The following ZNG1F variants were observed in gnomAD, a reference collection of about 807,000 sequenced individuals.
ZNG1F encodes zinc-regulated GTPase metalloprotein activator 1F.
chr9:41,146,403 C>CAA, the ZNG1F span, among the ~76,000 whole-genome samples: 2 of 2,536 alleles, frequency 7.9e-4, no homozygotes, highest in African/African-American at 1.2e-3. Flanking sequence ...TCATACGCAG[C>CAA]AAAAAAAAAA....
At chr9:41,173,910 A>G in the ZNG1F span, among the ~76,000 whole-genome samples, 2 of 148,608 alleles carry the variant, frequency 1.3e-5, no homozygotes, top group South Asian at 2.1e-4. Context: ...AATAAGCTCA[A>G]CCATAAAGAT....
chr9:41,151,879 ACCAG>A, the ZNG1F span, among the ~76,000 whole-genome samples: 1 of 146,618 alleles, frequency 6.8e-6, no homozygotes, highest in African/African-American at 2.5e-5. Flanking sequence ...AACAACCGGT[ACCAG>A]CCACTGCAAA....
the ZNG1F span, among the ~76,000 whole-genome samples, chr9:41,168,924 TATTAGA>T: frequency 3.4e-5 from 4 of 116,450 alleles, no homozygotes; most frequent in African/African-American, 1.5e-4. Context: ...CTCTCCAAAA[TATTAGA>T]ATTCTTCACT....
the ZNG1F span, among the ~76,000 whole-genome samples, chr9:41,185,828 C>G: frequency 2.2e-5 from 2 of 91,584 alleles, no homozygotes; most frequent in Non-Finnish European, 4.4e-5. Context: ...ATTTCAGTAT[C>G]TCAACCCATA....
At chr9:41,140,287 C>T in the ZNG1F span, among the ~76,000 whole-genome samples, 349 of 103,506 alleles carry the variant, frequency 3.4e-3, no homozygotes, top group African/African-American at 0.012. Context: ...GGCTACAAAC[C>T]TGTACAGCAT....
At chr9:41,132,592 C>G in the ZNG1F span, 1 of 1,321,950 alleles carries the variant, frequency 7.6e-7, no homozygotes, top group Non-Finnish European at 9.7e-7. Flanking sequence ...ATCCCCTTTT[C>G]TAATGATAAA....
the ZNG1F span, among the ~76,000 whole-genome samples, chr9:41,198,266 A>G: frequency 7.0e-6 from 1 of 141,986 alleles, no homozygotes; most frequent in Non-Finnish European, 1.5e-5. Flanking sequence ...GCCGAGTGTG[A>G]TAGCACACTC....
the ZNG1F span, among the ~76,000 whole-genome samples, chr9:41,144,267 G>A: frequency 5.8e-5 from 2 of 34,520 alleles, 1 homozygote; most frequent in Admixed American, 8.2e-4. Context: ...TGGTAAGTGA[G>A]TACTGCGTTT....
chr9:41,203,136 C>A, the ZNG1F span, among the ~76,000 whole-genome samples: 2 of 152,362 alleles, frequency 1.3e-5, no homozygotes, highest in African/African-American at 2.4e-5. Flanking sequence ...CTTCAGGAGG[C>A]ACATGACATC....
the ZNG1F span, among the ~76,000 whole-genome samples, chr9:41,169,642 CA>C: frequency 6.6e-6 from 1 of 150,930 alleles, no homozygotes; most frequent in South Asian, 2.1e-4. Flanking sequence ...ATACAAGATG[CA>C]TAAGTCATGG....
chr9:41,140,208 T>C, the ZNG1F span, among the ~76,000 whole-genome samples: 3 of 144,700 alleles, frequency 2.1e-5, no homozygotes, highest in African/African-American at 7.7e-5. Context: ...CATGATAGTG[T>C]ACTTACACAA....
chr9:41,166,286 G>T, the ZNG1F span, among the ~76,000 whole-genome samples: 2 of 132,568 alleles, frequency 1.5e-5, no homozygotes, highest in Non-Finnish European at 3.2e-5. Context: ...AAAATTAGCT[G>T]GGCATGGTGG....
the ZNG1F span, among the ~76,000 whole-genome samples, chr9:41,141,091 G>C: frequency 6.6e-6 from 1 of 150,674 alleles, no homozygotes; most frequent in African/African-American, 2.4e-5. Flanking sequence ...ATATTTTTAA[G>C]GGGTACAATA....
At chr9:41,183,566 C>A in the ZNG1F span, 3 of 1,593,506 alleles carry the variant, frequency 1.9e-6, no homozygotes, top group African/African-American at 1.4e-5. Context: ...TTCCTCACTT[C>A]ACTGAACAGC....
chr9:41,187,054 T>G, the ZNG1F span, among the ~76,000 whole-genome samples: 1 of 146,558 alleles, frequency 6.8e-6, no homozygotes, highest in Non-Finnish European at 1.5e-5. Flanking sequence ...GGCAGTGATG[T>G]GAAAACTGAA....
the ZNG1F span, among the ~76,000 whole-genome samples, chr9:41,134,444 TA>T: frequency 1.2e-5 from 1 of 83,950 alleles, no homozygotes; most frequent in African/African-American, 3.8e-5. Context: ...TTTATCTTGA[TA>T]AATCTCTCAC....
chr9:41,154,678 C>G, the ZNG1F span, among the ~76,000 whole-genome samples: 107 of 148,550 alleles, frequency 7.2e-4, 6 homozygotes, highest in Middle Eastern at 3.5e-3. Context: ...TGGAACAGAA[C>G]AGAGCCCTCA....
the ZNG1F span, among the ~76,000 whole-genome samples, chr9:41,184,132 C>A: frequency 6.6e-5 from 10 of 151,132 alleles, no homozygotes; most frequent in Admixed American, 3.3e-4. Context: ...AGTAAAAACC[C>A]TAGTTCATCC....
the ZNG1F span, among the ~76,000 whole-genome samples, chr9:41,150,581 GC>G: frequency 1.9e-5 from 2 of 106,160 alleles, no homozygotes; most frequent in East Asian, 5.8e-4. Context: ...CTGTCTGACA[GC>G]TTTGAAGAGA....
Sources: allele counts gnomAD v4.1 joint callset (sites outside exome capture counted in the v4.1 genomes callset), GRCh38; gene constraint gnomAD v4.1.1; transcripts MANE v1.5; gene names NCBI Gene and HGNC (gene_info 2026-07-23, HGNC 2026-07-21).